The following EIPR1 variants were observed in gnomAD, a reference collection of about 807,000 sequenced individuals.
EIPR1 encodes EARP complex and GARP complex interacting protein 1.
A neutral mutation model predicts 48.1 loss-of-function variants in EIPR1; 25 were observed. The ratio of observed to expected loss-of-function variants is 0.52; its 90% CI spans 0.38 to 0.73. The LOEUF (loss-of-function observed/expected upper bound fraction) is 0.73, where lower values mean the gene tolerates loss of function less well. Among genes scored for constraint, EIPR1 ranks in the 30% least tolerant of loss-of-function variants. The pLI is 0.00. For synonymous variants in EIPR1, 204 were observed against 201.9 expected, an observed-to-expected ratio of 1.01 and a Z score of -0.09; for missense variants, 415 against 506.2, an observed-to-expected ratio of 0.82 and a Z score of 1.73.
intron 3 of EIPR1, among the ~76,000 whole-genome samples, chr2:3,304,950 AATCCCGTCCAG>A (rs1668881788): frequency 6.9e-6 from 1 of 145,436 alleles, no homozygotes; most frequent in East Asian, 2.1e-4. Context: ...TCAGCCCTCC[AATCCCGTCCAG>A]TTCAACTCTC....
In EIPR1 at chr2:3,194,165, G is replaced by A; in HGVS notation, c.655C>T (p.Gln219Ter). ...TGGGCATTCTCTATGCAGTAGATCT[G>A]GCTGAGGGAGAAGGAAGAACAGCAA... is the stretch of plus-strand genomic sequence containing the variant. Reference protein sequence around the residue: ...LRGWDTRSMSQIYCIENAHGQ... With the variant: ...LRGWDTRSMS Residue 219 changes from glutamine to a stop codon, truncating the protein, a stop_gained and splice_region_variant, in exon 7 of 9, where the codon CAG becomes TAG. Transcript: ENST00000382125. LOFTEE classifies it high-confidence loss of function. 1.9e-6 allele frequency: 3 copies of A among 1,613,298 alleles called. No individual in the cohort carries two copies. The highest frequency in any genetic ancestry group is 2.5e-6 in the Non-Finnish European group (3 of 1,179,560).
At chr2:3,305,882 C>A (rs1056953915) in intron 3 of EIPR1, among the ~76,000 whole-genome samples, 2 of 152,176 alleles carry the variant, frequency 1.3e-5, no homozygotes, top group African/African-American at 4.8e-5. Context: ...TCCTTTCTTT[C>A]CTATTTATTC....
In EIPR1 at chr2:3,193,989, G is replaced by A; in HGVS notation, c.821+10C>T. 1 of 1,613,152 alleles carries A rather than the reference G, an allele frequency of 6.2e-7. No homozygotes were observed. Among genetic ancestry groups the A allele is most frequent in the Non-Finnish European group, 8.5e-7 (1 of 1,179,788 alleles). On this transcript the variant is annotated intron_variant, in intron 7 of 8. Transcript: ENST00000382125. ...CCCCTCCTCCCTGAAGCAGCCAGGA[G>A]CGGCCCTACCAGTGGGAGTGCTCCT... is the stretch of plus-strand genomic sequence containing the variant.
chr2:3,285,366 G>A (rs994761347), intron 3 of EIPR1, among the ~76,000 whole-genome samples: 70 of 148,158 alleles, frequency 4.7e-4, no homozygotes, highest in African/African-American at 1.7e-3. Flanking sequence ...TGTGGTGGAC[G>A]GGAGCAGCAA....
chr2:3,304,904 AATCCCGTCCAGTTCAACC>A (rs1466824741), intron 3 of EIPR1, among the ~76,000 whole-genome samples: 10 of 145,428 alleles, frequency 6.9e-5, no homozygotes, highest in East Asian at 2.1e-4. Flanking sequence ...TCAACCCTCC[AATCCCGTCCAGTTCAACC>A]CTCCAGTCCC....
chr2:3,213,222 G>A (rs1207862358), intron 5 of EIPR1, among the ~76,000 whole-genome samples: 1 of 152,188 alleles, frequency 6.6e-6, no homozygotes, highest in Non-Finnish European at 1.5e-5. Flanking sequence ...GACATTGTAA[G>A]TGCTATCAGT....
At chr2:3,363,128 T>A (rs1247974457) in intron 1 of EIPR1, among the ~76,000 whole-genome samples, 1 of 152,016 alleles carries the variant, frequency 6.6e-6, no homozygotes. Flanking sequence ...CCTGCCAGCC[T>A]GCGATGGGGG....
intron 4 of EIPR1, among the ~76,000 whole-genome samples, chr2:3,250,940 T>C (rs995346897): frequency 6.6e-6 from 1 of 151,508 alleles, no homozygotes; most frequent in Non-Finnish European, 1.5e-5. Context: ...CAAATAAACC[T>C]CTTTTTTTTT....
chr2:3,324,913 T>C (rs543381665), intron 3 of EIPR1, among the ~76,000 whole-genome samples: 1 of 152,318 alleles, frequency 6.6e-6, no homozygotes, highest in South Asian at 2.1e-4. Flanking sequence ...TCACAGGAGC[T>C]GTAACAACCT....
At chr2:3,294,781 T>TGC (rs1668487798) in intron 3 of EIPR1, among the ~76,000 whole-genome samples, 1 of 58,036 alleles carries the variant, frequency 1.7e-5, no homozygotes, top group African/African-American at 6.8e-5. Flanking sequence ...ATCCTCTCTC[T>TGC]ACATACACAC....
At chr2:3,248,217 G>A (rs1167791615) in intron 4 of EIPR1, among the ~76,000 whole-genome samples, 4 of 152,222 alleles carry the variant, frequency 2.6e-5, no homozygotes, top group East Asian at 3.8e-4. Context: ...GAAGGCCGAG[G>A]TGGGTGGATC....
chr2:3,219,445 T>G (rs536769447), intron 4 of EIPR1, among the ~76,000 whole-genome samples: 2 of 147,712 alleles, frequency 1.4e-5, no homozygotes, highest in Non-Finnish European at 3.0e-5. Context: ...GGCCCTGATA[T>G]GCTCTAGAGC....
chr2:3,267,165 A>G (rs575462708), intron 3 of EIPR1, among the ~76,000 whole-genome samples: 20 of 152,310 alleles, frequency 1.3e-4, no homozygotes, highest in African/African-American at 4.8e-4. Flanking sequence ...ACCTGCGGCT[A>G]TTTCTCCAAT....
rs370633003 is a variant in EIPR1 at position 3,191,986 on chromosome 2, G to A, written c.989+428C>T. Among the ~76,000 whole-genome samples, 172 of 152,306 alleles carry A rather than the reference G, an allele frequency of 1.1e-3. 1 individual carries two copies. Among genetic ancestry groups the A allele is most frequent in the African/African-American group, 3.7e-3 (155 of 41,564 alleles). ...CCTGCTACCAGCCAGTGGAAGGCCCGTGAGCTGATGGCCAACAACCCGACC... is the reference window on the plus strand; with the variant it reads ...CCTGCTACCAGCCAGTGGAAGGCCCATGAGCTGATGGCCAACAACCCGACC... On this transcript the variant is annotated intron_variant, in intron 8 of 8. Transcript: ENST00000382125.
chr2:3,246,040 C>T (rs1415260197), intron 4 of EIPR1, among the ~76,000 whole-genome samples: 2 of 152,070 alleles, frequency 1.3e-5, no homozygotes, highest in African/African-American at 2.4e-5. Context: ...GTGGTTGAGC[C>T]GTGATCACAC....
chr2:3,315,158 T>C (rs10202336), intron 3 of EIPR1, among the ~76,000 whole-genome samples: 21,938 of 56,732 alleles, frequency 0.39, 3,967 homozygotes, highest in African/African-American at 0.55. Context: ...CCCCCATGCC[T>C]ACCATCATCA....
intron 5 of EIPR1, among the ~76,000 whole-genome samples, chr2:3,203,457 A>C (rs1247091736): frequency 6.6e-6 from 1 of 152,268 alleles, no homozygotes; most frequent in Non-Finnish European, 1.5e-5. Flanking sequence ...ACGTGCCGGT[A>C]GTCAGCGACA....
At chr2:3,194,217 A>G in intron 6 of EIPR1, 51 bp from the exon 7 acceptor site, 1 of 1,601,100 alleles carries the variant, frequency 6.2e-7, no homozygotes, top group African/African-American at 1.3e-5. Flanking sequence ...GATTAGGAAA[A>G]GCCACTGCGT....
intron 4 of EIPR1, among the ~76,000 whole-genome samples, chr2:3,240,335 TCCTTCCTAAAGCAAAGCCAGCAGAC>T (rs1666565165): frequency 4.3e-5 from 6 of 139,386 alleles, no homozygotes; most frequent in African/African-American, 1.4e-4. Context: ...AGCCAGCAGA[TCCTTCCTAAAGCAAAGCCAGCAGAC>T]CCTTCCTAAA....
Sources: allele counts gnomAD v4.1 joint callset (sites outside exome capture counted in the v4.1 genomes callset), GRCh38; gene constraint gnomAD v4.1.1; transcripts MANE v1.5; gene names NCBI Gene and HGNC (gene_info 2026-07-23, HGNC 2026-07-21).